Variants in EYA1 observed in about 807,000 individuals in gnomAD.
EYA1 encodes the protein protein phosphatase EYA1.
Under a neutral mutation model 82.0 loss-of-function variants are expected in EYA1, and 16 were observed. The observed-to-expected ratio is 0.20, with a 90% CI of 0.13 to 0.30. The LOEUF (loss-of-function observed/expected upper bound fraction) is 0.30. Among genes scored for constraint, EYA1 ranks in the 10% least tolerant of loss-of-function variants. The pLI, the probability that EYA1 is intolerant of heterozygous loss-of-function variation, is 1.00. For synonymous variants in EYA1, 261 were observed against 264.4 expected (o/e 0.99, Z 0.12); for missense variants, 633 against 730.7 (o/e 0.87, Z 1.54).
intron 2 of EYA1, among the ~76,000 whole-genome samples, chr8:71,407,797 T>A (rs1213295949): frequency 6.9e-6 from 1 of 144,846 alleles, no homozygotes; most frequent in Non-Finnish European, 1.5e-5. Flanking sequence ...GAAAACACTC[T>A]GCAGGATATT....
intron 11 of EYA1, among the ~76,000 whole-genome samples, chr8:71,258,383 G>C (rs148753671): frequency 6.6e-6 from 1 of 152,328 alleles, no homozygotes; most frequent in East Asian, 1.9e-4. Context: ...TGCAACTTGA[G>C]AAGGGTGCCA....
intron 2 of EYA1, among the ~76,000 whole-genome samples, chr8:71,395,392 A>T (rs1442414392): frequency 2.0e-5 from 3 of 152,184 alleles, no homozygotes; most frequent in African/African-American, 4.8e-5. Context: ...GAATGCTTCC[A>T]GTTTTTGCCC....
At chr8:71,217,657 C>T (rs1297952067) in intron 12 of EYA1, among the ~76,000 whole-genome samples, 1 of 143,124 alleles carries the variant, frequency 7.0e-6, no homozygotes, top group Non-Finnish European at 1.5e-5. Flanking sequence ...AATAAAAAGT[C>T]AAACCATGTG....
intron 12 of EYA1, among the ~76,000 whole-genome samples, chr8:71,231,864 C>T (rs971878391): frequency 1.3e-5 from 2 of 152,192 alleles, no homozygotes; most frequent in Admixed American, 6.5e-5. Context: ...GCCTGGGCAA[C>T]TATGGCTTGC....
Position 71,494,022 on chromosome 8 carries a change from CAAAAA to C in EYA1, c.33+41717_33+41721del, listed in dbSNP as rs34340467. On this transcript the variant is annotated intron_variant, in intron 2 of 18. Transcript: ENST00000643681. Reference sequence around the variant, plus strand: ...TGGGCGACAGAGCGAGACTCCGTCTCAAAAAAAAAAAAAAAAAAAAAAAGAGGCTT... The same window carrying C: ...TGGGCGACAGAGCGAGACTCCGTCTCAAAAAAAAAAAAAAAAAAGAGGCTT... Among the ~76,000 whole-genome samples the C allele has an allele frequency of 2.3e-3, 98 of 41,878 alleles. 1 individual carries two copies. The highest frequency in any genetic ancestry group is 3.9e-3 in the Non-Finnish European group (77 of 19,724). The allele number at this position is 41,878 out of a possible 152,430, so 27.5% of individuals were successfully genotyped here. A position where few individuals can be genotyped will look rare whatever the true frequency, so the allele number is the denominator to read the frequency against.
intron 12 of EYA1, among the ~76,000 whole-genome samples, chr8:71,239,598 A>G (rs1221771351): frequency 6.6e-6 from 1 of 152,230 alleles, no homozygotes; most frequent in Non-Finnish European, 1.5e-5. Flanking sequence ...GTGGCATTCC[A>G]TATGTGTGTA....
At chr8:71,394,864 T>A (rs1016007592) in intron 2 of EYA1, among the ~76,000 whole-genome samples, 15 of 152,212 alleles carry the variant, frequency 9.9e-5, no homozygotes, top group Admixed American at 3.9e-4. Flanking sequence ...TGGCATTGAA[T>A]CTATAAATTA....
Position 71,249,945 on chromosome 8 carries a change from T to C in EYA1, c.1051-5253A>G, listed in dbSNP as rs192816645. ...TGGCATTTTCCTAGCCACCTCTTTT[T>C]AGCCCCATATTGAATCAATTTCAAC... On this transcript the variant is annotated intron_variant, in intron 11 of 17. Coordinates refer to ENST00000340726, the MANE Select transcript of EYA1 (RefSeq NM_000503.6). Among the ~76,000 whole-genome samples, 44 of 152,234 alleles carry C rather than the reference T, an allele frequency of 2.9e-4. No homozygotes were observed. In the East Asian group the frequency reaches 5.2e-3, roughly 18 times the overall value.
intron 2 of EYA1, among the ~76,000 whole-genome samples, chr8:71,519,113 A>G (rs1813201711): frequency 6.6e-6 from 1 of 152,194 alleles, no homozygotes; most frequent in Non-Finnish European, 1.5e-5. Flanking sequence ...GACAATGAAT[A>G]TTAACGTAGA....
intron 2 of EYA1, among the ~76,000 whole-genome samples, chr8:71,456,627 T>C (rs1376995488): frequency 2.0e-5 from 3 of 152,056 alleles, no homozygotes; most frequent in Non-Finnish European, 2.9e-5. Flanking sequence ...ATGTGATCTT[T>C]GACAAACCTG....
At chr8:71,443,171 C>T (rs56153211) in intron 2 of EYA1, among the ~76,000 whole-genome samples, 25,592 of 152,048 alleles carry the variant, frequency 0.17, 2,447 homozygotes, top group Non-Finnish European at 0.22. Flanking sequence ...AACCCACTGC[C>T]TCTCCACCCC....
intron 2 of EYA1, among the ~76,000 whole-genome samples, chr8:71,445,239 T>C (rs568609380): frequency 1.3e-5 from 2 of 152,222 alleles, no homozygotes; most frequent in Non-Finnish European, 2.9e-5. Context: ...CCATATTACC[T>C]CTTTTACTAC....
chr8:71,356,814 C>A, intron 1 of EYA1: 6 of 1,003,436 alleles, frequency 6.0e-6, no homozygotes, highest in East Asian at 5.7e-5. Flanking sequence ...AATCAACATG[C>A]AAAGCAGCCT....
intron 2 of EYA1, among the ~76,000 whole-genome samples, chr8:71,531,571 T>G (rs930955643): frequency 6.6e-6 from 1 of 152,194 alleles, no homozygotes; most frequent in Non-Finnish European, 1.5e-5. Flanking sequence ...TTTTTTATCT[T>G]GACATGATTT....
At chr8:71,543,810 G>T (rs189005503) in intron 1 of EYA1, among the ~76,000 whole-genome samples, 14 of 152,282 alleles carry the variant, frequency 9.2e-5, no homozygotes, top group Non-Finnish European at 1.9e-4. Context: ...CAATTGATAT[G>T]TCAGTAATTG....
At chr8:71,355,007 A>G (rs1315995369) in intron 2 of EYA1, 98 bp from the exon 3 acceptor site, 1 of 1,206,382 alleles carries the variant, frequency 8.3e-7, no homozygotes, top group African/African-American at 1.5e-5. Flanking sequence ...ACACTTGCAC[A>G]AAAGTCCCAT....
intron 2 of EYA1, among the ~76,000 whole-genome samples, chr8:71,518,444 A>C (rs930215135): frequency 4.6e-5 from 7 of 152,204 alleles, no homozygotes; most frequent in African/African-American, 1.7e-4. Context: ...AAGACGATGT[A>C]AAGGTGAAGC....
At chr8:71,216,346 TAGG>T (rs1809190854) in intron 14 of EYA1, among the ~76,000 whole-genome samples, 5 of 152,032 alleles carry the variant, frequency 3.3e-5, no homozygotes. Context: ...ATTTACCCTG[TAGG>T]AGGAGATTTA....
chr8:71,265,904 C>G (rs1005151642), intron 11 of EYA1, among the ~76,000 whole-genome samples: 1 of 152,176 alleles, frequency 6.6e-6, no homozygotes, highest in Admixed American at 6.5e-5. Flanking sequence ...TGCCCAGCAC[C>G]CTCTTTTGTC....
Sources: allele counts gnomAD v4.1 joint callset (sites outside exome capture counted in the v4.1 genomes callset), GRCh38; gene constraint gnomAD v4.1.1; transcripts MANE v1.5; gene names NCBI Gene and HGNC (gene_info 2026-07-23, HGNC 2026-07-21).